The following PSMG2 variants were observed in gnomAD, a reference collection of about 807,000 sequenced individuals.
The protein encoded by PSMG2 is proteasome assembly chaperone 2, also known as CD40 ligand-activated specific transcript 3.
In PSMG2, 21 loss-of-function variants were observed where a neutral mutation model predicts 31.5. The observed-to-expected ratio is 0.67, with a 90% CI of 0.47 to 0.96. The LOEUF is 0.96. Ranked by LOEUF, PSMG2 falls within the 40% of genes least tolerant of loss-of-function variation. The probability of loss-of-function intolerance (pLI) is 0.00; values close to 1 mark genes in which losing one functional copy is unlikely to be tolerated. For missense variants in PSMG2, 318 were observed against 321.2 expected (o/e 0.99, Z 0.08); for synonymous variants, 120 against 110.4 (o/e 1.09, Z -0.54).
At chr18:12,703,300 C>T (rs751576531) in intron 1 of PSMG2, 136 bp downstream of exon 1, 14 of 1,087,336 alleles carry the variant, frequency 1.3e-5, no homozygotes, top group Non-Finnish European at 1.8e-5. Context: ...CCGGAAAAAA[C>T]AGGGAGGTTG....
At chr18:12,669,045 T>TTTTTTTTTTTTTTTTTTTTTTG in intron 1 of PSMG2, among the ~76,000 whole-genome samples, 1 of 98,092 alleles carries the variant, frequency 1.0e-5, no homozygotes. Flanking sequence ...TTTTTTTTTT[T>TTTTTTTTTTTTTTTTTTTTTTG]TTTTTTTTTT....
chr18:12,679,814 G>A (rs2039280717), intron 1 of PSMG2, among the ~76,000 whole-genome samples: 1 of 152,040 alleles, frequency 6.6e-6, no homozygotes, highest in African/African-American at 2.4e-5. Context: ...TATAATCTCA[G>A]CACTTTGGAA....
intron 5 of PSMG2, among the ~76,000 whole-genome samples, chr18:12,723,382 A>G (rs551923027): frequency 6.6e-6 from 1 of 150,426 alleles, no homozygotes; most frequent in Non-Finnish European, 1.5e-5. Context: ...GGAGTTAGAG[A>G]GACCTAACTA....
intron 1 of PSMG2, among the ~76,000 whole-genome samples, chr18:12,668,734 C>CTTTTTTTTTTTT (rs543253434): frequency 1.0e-5 from 1 of 96,644 alleles, no homozygotes; most frequent in African/African-American, 3.9e-5. Flanking sequence ...CACTTTATTC[C>CTTTTTTTTTTTT]TTTTTTTTTT....
At chr18:12,679,121 A>T (rs1478724796) in intron 1 of PSMG2, 2 of 152,184 alleles carry the variant, frequency 1.3e-5, no homozygotes, top group African/African-American at 4.8e-5. Context: ...CACACATTTA[A>T]AGACAAGATG....
At chr18:12,714,369 C>A (rs2040357792) in intron 3 of PSMG2, among the ~76,000 whole-genome samples, 1 of 152,152 alleles carries the variant, frequency 6.6e-6, no homozygotes, top group Admixed American at 6.6e-5. Context: ...CTGTCTCAGT[C>A]TTTCCACTAG....
intron 1 of PSMG2, among the ~76,000 whole-genome samples, chr18:12,687,539 C>A (rs756714740): frequency 2.6e-5 from 4 of 151,230 alleles, no homozygotes; most frequent in Non-Finnish European, 5.9e-5. Flanking sequence ...CTGCAACCTC[C>A]GCCCATGGGT....
intron 2 of PSMG2, 148 bp from the exon 3 acceptor site, chr18:12,712,554 T>G: frequency 1.8e-6 from 1 of 560,678 alleles, no homozygotes; most frequent in Non-Finnish European, 3.1e-6. Flanking sequence ...AGGTCTTATT[T>G]TAACCAGATG....
Position 12,703,071 on chromosome 18 carries a change from G to T in PSMG2, c.-37G>T, listed in dbSNP as rs756644472. The stretch of plus-strand genomic sequence containing the variant: ...TCTTGCTGCCCTCGTTCTTGCCAGG[G>T]CCGCGGTTAGTCCCTGCTGGCCACC... On this transcript the variant is annotated 5_prime_UTR_variant, in exon 1 of 7. Transcript: ENST00000317615. 1 of 1,604,638 alleles carries T rather than the reference G, an allele frequency of 6.2e-7. No individual in the cohort carries two copies. Among genetic ancestry groups the T allele is most frequent in the Admixed American group, 1.7e-5 (1 of 59,028 alleles).
At chr18:12,685,388 T>G (rs891352348) in intron 1 of PSMG2, 3 of 152,226 alleles carry the variant, frequency 2.0e-5, no homozygotes, top group African/African-American at 7.2e-5. Context: ...CTGGTGCTGT[T>G]CCTAATTCAT....
At chr18:12,686,497 C>A in intron 1 of PSMG2, 1 of 1,360,012 alleles carries the variant, frequency 7.4e-7, no homozygotes, top group South Asian at 1.3e-5. Context: ...TAATCATCCC[C>A]AATTATGTTT....
At chr18:12,697,488 G>A in intron 1 of PSMG2, 1 of 946,872 alleles carries the variant, frequency 1.1e-6, no homozygotes, top group Non-Finnish European at 1.5e-6. Context: ...TTATTAAACA[G>A]TAAATAATAA....
chr18:12,663,553 G>A (rs749348201), intron 1 of PSMG2: 3 of 152,122 alleles, frequency 2.0e-5, no homozygotes, highest in Non-Finnish European at 4.4e-5. Flanking sequence ...GATTACAGAT[G>A]TGAGCCACCA....
chr18:12,711,005 C>T (rs557770133), intron 2 of PSMG2, among the ~76,000 whole-genome samples: 4 of 152,240 alleles, frequency 2.6e-5, no homozygotes, highest in South Asian at 4.1e-4. Context: ...GAGGCTGAGA[C>T]AGGAGAATCG....
intron 1 of PSMG2, among the ~76,000 whole-genome samples, chr18:12,695,852 CCACACACACACACACA>C (rs375916938): frequency 1.3e-5 from 2 of 148,282 alleles, no homozygotes; most frequent in South Asian, 2.1e-4. Flanking sequence ...CATTCCTTCT[CCACACACACACACACA>C]CACACACACA....
chr18:12,699,799 C>G (rs776119867), upstream of PSMG2: 2 of 1,244,230 alleles, frequency 1.6e-6, no homozygotes, highest in Non-Finnish European at 2.3e-6. Context: ...TACTATTAAC[C>G]ACAACTAAAT....
chr18:12,665,454 C>T (rs2038784087), intron 1 of PSMG2, among the ~76,000 whole-genome samples: 1 of 152,052 alleles, frequency 6.6e-6, no homozygotes, highest in Non-Finnish European at 1.5e-5. Flanking sequence ...AATTCCTGTC[C>T]TCCTCATCTT....
chr18:12,702,454 C>T (rs769995500), upstream of PSMG2: 13 of 1,541,964 alleles, frequency 8.4e-6, no homozygotes, highest in East Asian at 4.6e-5. Flanking sequence ...TGGGTCGGCC[C>T]GGCGGTCTCT....
intron 3 of PSMG2, among the ~76,000 whole-genome samples, chr18:12,714,933 G>A (rs896979416): frequency 2.0e-5 from 3 of 151,260 alleles, no homozygotes; most frequent in Non-Finnish European, 4.4e-5. Flanking sequence ...TCAAACTCCT[G>A]ACCTCAGGTG....
Sources: gnomAD v4.1 joint callset for allele counts (sites outside exome capture counted in the v4.1 genomes callset) on GRCh38, gnomAD v4.1.1 for gene constraint, MANE v1.5 for transcripts, NCBI Gene and HGNC (gene_info 2026-07-23, HGNC 2026-07-21) for gene names.